Variants in LOC128462377 observed in about 807,000 individuals in gnomAD.
At chr16:89,381,220 C>G in the LOC128462377 span, among the ~76,000 whole-genome samples, 1 of 151,312 alleles carries the variant, frequency 6.6e-6, no homozygotes, top group African/African-American at 2.4e-5. Context: ...TAATCCCAGC[C>G]ACTGGGGAGG....
chr16:89,417,573 C>T, the LOC128462377 span, among the ~76,000 whole-genome samples: 6 of 152,116 alleles, frequency 3.9e-5, no homozygotes, highest in East Asian at 1.9e-4. Flanking sequence ...TCAGGGCTGG[C>T]GAACCAGGCT....
At chr16:89,408,132 G>A in the LOC128462377 span, among the ~76,000 whole-genome samples, 13 of 152,154 alleles carry the variant, frequency 8.5e-5, no homozygotes, top group East Asian at 3.9e-4. Flanking sequence ...AAGACAGCTC[G>A]AAGGACTTGC....
chr16:89,406,942 G>A, the LOC128462377 span, among the ~76,000 whole-genome samples: 2 of 152,210 alleles, frequency 1.3e-5, no homozygotes, highest in African/African-American at 4.8e-5. Flanking sequence ...ACTTTGGGAG[G>A]CCAGGGGAAG....
At chr16:89,406,435 G>T in the LOC128462377 span, among the ~76,000 whole-genome samples, 3 of 152,222 alleles carry the variant, frequency 2.0e-5, no homozygotes, top group East Asian at 1.9e-4. Context: ...TAGAGGAGAA[G>T]CAGCAGCTGC....
chr16:89,345,602 G>A, the LOC128462377 span, among the ~76,000 whole-genome samples: 5 of 152,264 alleles, frequency 3.3e-5, no homozygotes, highest in South Asian at 6.2e-4. Context: ...TTGTTACAGC[G>A]GCATAAACAG....
the LOC128462377 span, among the ~76,000 whole-genome samples, chr16:89,317,774 C>T: frequency 6.6e-6 from 1 of 152,128 alleles, no homozygotes; most frequent in East Asian, 1.9e-4. Context: ...ATTTATTAAT[C>T]ATGTTTTATT....
chr16:89,389,437 A>T, the LOC128462377 span, among the ~76,000 whole-genome samples: 1 of 152,208 alleles, frequency 6.6e-6, no homozygotes, highest in East Asian at 1.9e-4. Context: ...AAGTCAATCA[A>T]AAGCTACCCA....
chr16:89,324,271 G>A, the LOC128462377 span: 1 of 1,242,032 alleles, frequency 8.1e-7, no homozygotes, highest in Non-Finnish European at 1.0e-6. Context: ...GAACATACAG[G>A]AGCCCCGTGC....
the LOC128462377 span, among the ~76,000 whole-genome samples, chr16:89,327,028 G>T: frequency 6.6e-6 from 1 of 151,782 alleles, no homozygotes; most frequent in African/African-American, 2.4e-5. Context: ...GGTGGGGAAT[G>T]CAGAGGTGGG....
chr16:89,353,634 C>T, the LOC128462377 span, among the ~76,000 whole-genome samples: 11 of 152,166 alleles, frequency 7.2e-5, no homozygotes, highest in Non-Finnish European at 1.3e-4. Flanking sequence ...TGCACAACCA[C>T]GCTTGCCTAA....
At chr16:89,368,197 T>C in the LOC128462377 span, among the ~76,000 whole-genome samples, 1 of 151,682 alleles carries the variant, frequency 6.6e-6, no homozygotes, top group Admixed American at 6.6e-5. Context: ...TAACATGTTT[T>C]CGAGCTTTTT....
chr16:89,372,103 C>A, the LOC128462377 span, among the ~76,000 whole-genome samples: 1 of 152,230 alleles, frequency 6.6e-6, no homozygotes, highest in Non-Finnish European at 1.5e-5. Flanking sequence ...CCACGGCGGG[C>A]ACCCGGCCCT....
At chr16:89,367,008 A>T in the LOC128462377 span, among the ~76,000 whole-genome samples, 1 of 152,110 alleles carries the variant, frequency 6.6e-6, no homozygotes, top group Non-Finnish European at 1.5e-5. Context: ...CCTGGCCTGG[A>T]GCTTTGCCAG....
At chr16:89,388,478 A>G in the LOC128462377 span, among the ~76,000 whole-genome samples, 1 of 152,056 alleles carries the variant, frequency 6.6e-6, no homozygotes, top group African/African-American at 2.4e-5. Flanking sequence ...GGAATAGAAA[A>G]TAAGCAAGAT....
At chr16:89,403,463 C>A in the LOC128462377 span, among the ~76,000 whole-genome samples, 6 of 152,200 alleles carry the variant, frequency 3.9e-5, no homozygotes, top group South Asian at 1.0e-3. Context: ...TAAGCGAGGC[C>A]CCGCGCTCTG....
At chr16:89,378,925 C>A in the LOC128462377 span, among the ~76,000 whole-genome samples, 1 of 147,890 alleles carries the variant, frequency 6.8e-6, no homozygotes, top group Non-Finnish European at 1.5e-5. Flanking sequence ...GTGGGTGGGG[C>A]GAGGTGGGAA....
At chr16:89,402,735 G>A in the LOC128462377 span, among the ~76,000 whole-genome samples, 2 of 147,732 alleles carry the variant, frequency 1.4e-5, no homozygotes, top group African/African-American at 5.0e-5. Context: ...GGCTCTGTGG[G>A]GTGAGATAGG....
chr16:89,388,293 A>ATTTTT, the LOC128462377 span, among the ~76,000 whole-genome samples: 27 of 85,298 alleles, frequency 3.2e-4, 3 homozygotes, highest in South Asian at 1.8e-3. Flanking sequence ...CATGAGGCTG[A>ATTTTT]TTTTTTTTTT....
chr16:89,345,428 G>T, the LOC128462377 span, among the ~76,000 whole-genome samples: 395 of 152,288 alleles, frequency 2.6e-3, 2 homozygotes, highest in African/African-American at 9.2e-3. Flanking sequence ...GCACTGGGAG[G>T]CAGTCCCGTC....
Sources: gnomAD v4.1 joint callset for allele counts (sites outside exome capture counted in the v4.1 genomes callset) on GRCh38, gnomAD v4.1.1 for gene constraint, MANE v1.5 for transcripts.